MCTP2: variants seen among roughly 807,000 people sequenced by gnomAD.
MCTP2 encodes the protein multiple C2 and transmembrane domain-containing protein 2.
In MCTP2, 132 loss-of-function variants were observed where a neutral mutation model predicts 111.6. The ratio of observed to expected loss-of-function variants is 1.18; its 90% CI spans 1.03 to 1.37. MCTP2 has a LOEUF of 1.37. Among genes scored for constraint, MCTP2 ranks in the 40% most tolerant of loss-of-function variants. The probability of loss-of-function intolerance (pLI) is 0.00; values close to 1 mark genes in which losing one functional copy is unlikely to be tolerated. For synonymous variants in MCTP2, 395 were observed against 387.7 expected (o/e 1.02, Z -0.22); for missense variants, 1,183 against 1,067.9 (o/e 1.11, Z -1.50).
At position 94,288,636 on chromosome 15, in the gene MCTP2, A is replaced by G. The variant is rs149386937; in HGVS notation, c.-65-9565A>G. On this transcript the variant is annotated intron_variant, in intron 1 of 22. Transcript: ENST00000357742. ...AGTTTTATAACATTCAAAATGTCCA[A>G]GGTATAATTTATATTGGTTTATGAA... 4.5e-3 allele frequency among the ~76,000 whole-genome samples: 683 copies of G among 152,350 alleles called. 18 individuals carry two copies. Among genetic ancestry groups the G allele is most frequent in the Admixed American group, 0.031 (470 of 15,306 alleles).
intron 2 of MCTP2, among the ~76,000 whole-genome samples, chr15:94,306,678 C>T (rs968373120): frequency 6.6e-6 from 1 of 152,194 alleles, no homozygotes; most frequent in African/African-American, 2.4e-5. Flanking sequence ...AAGGATCATT[C>T]CCCCTTTCCC....
intron 2 of MCTP2, among the ~76,000 whole-genome samples, chr15:94,305,175 T>G (rs2075822596): frequency 6.6e-6 from 1 of 152,216 alleles, no homozygotes; most frequent in Admixed American, 6.5e-5. Flanking sequence ...CATGGAGCCC[T>G]GATCCAATGG....
At position 94,483,205 on chromosome 15, in the gene MCTP2, G is replaced by C. The variant is rs2074811431; in HGVS notation, c.*4171G>C. ...TCTTCATGGGCTTGAGATGGAGTTA[G>C]CCATATTCATTATTGAAAACTATGT... is the stretch of plus-strand genomic sequence containing the variant. On this transcript the variant is annotated 3_prime_UTR_variant, in exon 23 of 23. Coordinates refer to ENST00000357742, the MANE Select transcript of MCTP2 (RefSeq NM_001385001.1). 6.6e-6 allele frequency: 1 copy of C among 152,158 alleles called. No individual in the cohort carries two copies. The highest frequency in any genetic ancestry group is 6.5e-5 in the Admixed American group (1 of 15,272). The allele number at this position is 152,158 out of a possible 1,614,324, so 9.4% of individuals were successfully genotyped here.
At chr15:94,325,812 A>ATTTTTTTTTTTTTTTTTTTTTTTTTTT (rs557989149) in intron 4 of MCTP2, among the ~76,000 whole-genome samples, 10 of 91,878 alleles carry the variant, frequency 1.1e-4, no homozygotes, top group Non-Finnish European at 1.5e-4. Context: ...CATCGCTCCG[A>ATTTTTTTTTTTTTTTTTTTTTTTTTTT]TTTTTTTTTT....
At position 94,480,324 on chromosome 15, in the gene MCTP2, T is replaced by A. The variant is rs1469692487; in HGVS notation, c.*1290T>A. 1 of 151,482 alleles carries A rather than the reference T, an allele frequency of 6.6e-6. No individual in the cohort carries two copies. The highest frequency in any genetic ancestry group is 1.5e-5 in the Non-Finnish European group (1 of 67,908). The allele number at this position is 151,482 out of a possible 1,614,324, so 9.4% of individuals were successfully genotyped here. On this transcript the variant is annotated 3_prime_UTR_variant, in exon 23 of 23. Coordinates refer to ENST00000357742, the MANE Select transcript of MCTP2 (RefSeq NM_001385001.1). ...CTCATTTAATAGTGAGTTCACTATTTTTTTTTTTTTGTCTCTGGGTTGTAA... is the reference window on the plus strand; with the variant it reads ...CTCATTTAATAGTGAGTTCACTATTATTTTTTTTTTGTCTCTGGGTTGTAA...
intron 1 of MCTP2, chr15:94,273,787 A>T (rs1032185446): frequency 4.5e-5 from 9 of 200,028 alleles, no homozygotes; most frequent in African/African-American, 1.4e-4. Flanking sequence ...TGTGTCCCTT[A>T]TTCAGAAAGA....
At chr15:94,329,100 G>C (rs1331863149) in intron 4 of MCTP2, among the ~76,000 whole-genome samples, 1 of 152,150 alleles carries the variant, frequency 6.6e-6, no homozygotes, top group East Asian at 1.9e-4. Flanking sequence ...AAGGAACACT[G>C]CACCACAGTG....
chr15:94,327,608 G>A (rs1217505440), intron 4 of MCTP2, among the ~76,000 whole-genome samples: 1 of 152,226 alleles, frequency 6.6e-6, no homozygotes, highest in African/African-American at 2.4e-5. Flanking sequence ...TTGTTCAAGA[G>A]CAAATGTGAA....
chr15:94,326,725 G>A (rs1332005771), intron 4 of MCTP2, among the ~76,000 whole-genome samples: 3 of 151,436 alleles, frequency 2.0e-5, no homozygotes, highest in Admixed American at 6.6e-5. Flanking sequence ...GGGCCACCAC[G>A]CCTGGCTAAT....
chr15:94,298,507 G>A lies in MCTP2; in HGVS notation c.242G>A (p.Ser81Asn), dbSNP rs139438610. Residue 81 changes from serine to asparagine, a missense_variant, in exon 2 of 23, where the codon AGT (serine) becomes AAT (asparagine). Coordinates refer to ENST00000357742, the MANE Select transcript of MCTP2 (RefSeq NM_001385001.1). ...PQSSYTSVPSSLSTAGIFPKS... is the reference protein window; with the variant it reads ...PQSSYTSVPSNLSTAGIFPKS... ...TCTTCCTACACCTCGGTGCCCAGCA[G>A]TCTGTCCACTGCAGGGATCTTTCCC... 7.2e-5 allele frequency: 116 copies of A among 1,613,988 alleles called. No homozygotes were observed. Among genetic ancestry groups the A allele is most frequent in the Non-Finnish European group, 9.5e-5 (112 of 1,180,012 alleles).
chr15:94,466,803 A>G (rs1261855117), intron 20 of MCTP2, among the ~76,000 whole-genome samples: 1 of 151,966 alleles, frequency 6.6e-6, no homozygotes, highest in African/African-American at 2.4e-5. Context: ...TTTTCATGTC[A>G]GCCTAGTCAT....
chr15:94,397,419 T>C (rs1006910419), intron 14 of MCTP2, among the ~76,000 whole-genome samples: 2 of 152,234 alleles, frequency 1.3e-5, no homozygotes, highest in Non-Finnish European at 2.9e-5. Context: ...AAAGCTAAAC[T>C]GGACCCAAGT....
At chr15:94,322,375 C>T (rs376953602) in intron 4 of MCTP2, among the ~76,000 whole-genome samples, 10 of 151,576 alleles carry the variant, frequency 6.6e-5, no homozygotes, top group African/African-American at 1.7e-4. Context: ...GCATTTTCTT[C>T]GGATTGTTAC....
At chr15:94,415,236 G>T (rs562541756) in intron 17 of MCTP2, among the ~76,000 whole-genome samples, 1 of 152,240 alleles carries the variant, frequency 6.6e-6, no homozygotes, top group African/African-American at 2.4e-5. Flanking sequence ...AGTCAGGAAA[G>T]GTGACGCTCC....
chr15:94,458,014 G>C (rs1158528973), intron 19 of MCTP2, 123 bp from the exon 20 acceptor site: 1 of 606,784 alleles, frequency 1.6e-6, no homozygotes. Flanking sequence ...GTAAAACAAT[G>C]ATTTATCTCT....
At chr15:94,276,593 A>T (rs995226065) in intron 1 of MCTP2, among the ~76,000 whole-genome samples, 1 of 151,686 alleles carries the variant, frequency 6.6e-6, no homozygotes, top group South Asian at 2.1e-4. Flanking sequence ...GTAAACTAGT[A>T]TGGACAAATA....
rs1304658519 is a variant in MCTP2, at chr15:94,345,142, G to A, written c.983G>A (p.Arg328Gln). The A allele has an allele frequency of 9.9e-6, 16 of 1,612,408 alleles. No homozygotes were observed. In the East Asian group the frequency reaches 1.3e-4, roughly 14 times the overall value. Reference sequence around the variant, plus strand: ...ACAAATCTTTAGCGTTGGTCAAATCGGAAGCGATTAAGTGCCAGCAAGGTA... The same window carrying A: ...ACAAATCTTTAGCGTTGGTCAAATCAGAAGCGATTAAGTGCCAGCAAGGTA... The part of the protein sequence containing the change: ...GDFKRHRWSN[R>Q]KRLSASKSSL... Residue 328 changes from arginine to glutamine, a missense_variant, in exon 8 of 23, where the codon CGG becomes CAG. Physicochemically the swap from Arg to Gln is conservative, Grantham distance 43 (BLOSUM62 1). Transcript: ENST00000357742.
intron 8 of MCTP2, among the ~76,000 whole-genome samples, chr15:94,351,019 TTGAG>T (rs142181555): frequency 0.016 from 2,453 of 152,226 alleles, 68 homozygotes; most frequent in African/African-American, 0.055. Context: ...AGTACAAAAA[TTGAG>T]TGACAATTTT....
At chr15:94,255,074 GTTC>G (rs1480756053) in intron 1 of MCTP2, among the ~76,000 whole-genome samples, 2 of 152,116 alleles carry the variant, frequency 1.3e-5, no homozygotes, top group African/African-American at 2.4e-5. Flanking sequence ...GATCAGACCT[GTTC>G]TTCTTCCTTT....
Sources: gnomAD v4.1 joint callset for allele counts (sites outside exome capture counted in the v4.1 genomes callset) on GRCh38, gnomAD v4.1.1 for gene constraint, MANE v1.5 for transcripts, NCBI Gene and HGNC (gene_info 2026-07-23, HGNC 2026-07-21) for gene names.